The following TPX2 variants were observed in gnomAD, a reference collection of about 807,000 sequenced individuals.
TPX2 encodes the protein targeting protein for Xklp2.
Under a neutral mutation model 93.6 loss-of-function variants are expected in TPX2, and 21 were observed. The observed-to-expected ratio is 0.22, with a 90% CI of 0.16 to 0.32. TPX2 has a LOEUF of 0.32. Ranked by LOEUF, TPX2 falls within the 10% of genes least tolerant of loss-of-function variation. The probability of loss-of-function intolerance (pLI) is 1.00; values close to 1 mark genes in which losing one functional copy is unlikely to be tolerated. For synonymous variants in TPX2, 281 were observed against 298.3 expected, an observed-to-expected ratio of 0.94 and a Z score of 0.60; for missense variants, 776 against 871.1, an observed-to-expected ratio of 0.89 and a Z score of 1.37.
intron 2 of TPX2, among the ~76,000 whole-genome samples, chr20:31,745,716 G>C (rs976072922): frequency 6.6e-6 from 1 of 152,176 alleles, no homozygotes; most frequent in Non-Finnish European, 1.5e-5. Context: ...AAAATGAAAT[G>C]ACTGCTATTT....
intron 3 of TPX2, among the ~76,000 whole-genome samples, chr20:31,758,813 C>A (rs1211808674): frequency 6.6e-6 from 1 of 152,096 alleles, no homozygotes. Flanking sequence ...CTGCGGGGAT[C>A]TTCCCCATGC....
Position 31,774,704 on chromosome 20 carries a change from C to T in TPX2, c.609-1163C>T, listed in dbSNP as rs147025684. Among the ~76,000 whole-genome samples, 299 of 152,304 alleles carry T rather than the reference C, an allele frequency of 2.0e-3. 1 individual carries two copies. The highest frequency in any genetic ancestry group is 7.0e-3 in the African/African-American group (290 of 41,570). ...GTCGGCTTTACTTCTGAGTTTCTTC[C>T]TTCTGTTACATGTGTTTTATGTGTA... On this transcript the variant is annotated intron_variant, in intron 7 of 17. Transcript: ENST00000300403.
At chr20:31,794,334 A>T in intron 14 of TPX2, 68 bp from the exon 15 acceptor site, 1 of 1,555,666 alleles carries the variant, frequency 6.4e-7, no homozygotes, top group Non-Finnish European at 8.7e-7. Context: ...ATTCTTCCAG[A>T]TATTCTGGAG....
At chr20:31,755,010 G>A (rs144242793) in intron 2 of TPX2, among the ~76,000 whole-genome samples, 52 of 152,238 alleles carry the variant, frequency 3.4e-4, no homozygotes, top group African/African-American at 1.2e-3. Context: ...GTAGAGTGGC[G>A]TGATCTTGGC....
chr20:31,780,512 T>G (rs2062026752), intron 10 of TPX2, among the ~76,000 whole-genome samples: 1 of 152,224 alleles, frequency 6.6e-6, no homozygotes, highest in Non-Finnish European at 1.5e-5. Context: ...GTCTGATATG[T>G]CCTGCTTTCA....
rs35700111 is a variant in TPX2 at position 31,766,454 on chromosome 20, GGTGTGTGTGTGTGT to G, written c.230-73_230-60del. ...ACTAAGGTTTCTGTGGCTTAGACAG[GGTGTGTGTGTGTGT>G]GTGTGTGTGTGTGTGTGTGTGTGTG... On this transcript the variant is annotated intron_variant, in intron 4 of 17. Coordinates refer to ENST00000300403, the MANE Select transcript of TPX2 (RefSeq NM_012112.5). The G allele has an allele frequency of 1.3e-4, 91 of 720,560 alleles. 1 individual carries two copies. The highest frequency in any genetic ancestry group is 3.6e-4 in the African/African-American group (17 of 46,912). The allele number at this position is 720,560 out of a possible 1,614,324, so 44.6% of individuals were successfully genotyped here.
Position 31,767,049 on chromosome 20 carries a change from G to A in TPX2, c.356+367G>A, listed in dbSNP as rs545454343. Among the ~76,000 whole-genome samples, 4 of 152,046 alleles carry A rather than the reference G, an allele frequency of 2.6e-5. No homozygotes were observed. In the South Asian group the frequency reaches 6.2e-4, roughly 24 times the overall value. The stretch of plus-strand genomic sequence containing the variant: ...ACTCCTGACCTCAGGTGACCCACCC[G>A]CCTCAGCCTCCCAAACTGCTAGGAT... On this transcript the variant is annotated intron_variant, in intron 5 of 17. Coordinates refer to ENST00000300403, the MANE Select transcript of TPX2 (RefSeq NM_012112.5).
intron 5 of TPX2, among the ~76,000 whole-genome samples, chr20:31,768,796 A>G (rs2061945256): frequency 6.6e-6 from 1 of 152,222 alleles, no homozygotes; most frequent in Non-Finnish European, 1.5e-5. Flanking sequence ...TTAAACTAGC[A>G]CTTACGAAAA....
At chr20:31,797,539 G>C (rs769234861) in intron 16 of TPX2, 24 bp downstream of exon 16, 1 of 1,601,526 alleles carries the variant, frequency 6.2e-7, no homozygotes, top group Non-Finnish European at 8.5e-7. Context: ...TACTCTGATG[G>C]GACTCGGGCA....
At chr20:31,799,041 A>G (rs966244826) in intron 17 of TPX2, among the ~76,000 whole-genome samples, 2 of 152,250 alleles carry the variant, frequency 1.3e-5, no homozygotes, top group African/African-American at 2.4e-5. Flanking sequence ...ACAAGAATAC[A>G]TAGCGAAGGA....
At chr20:31,753,305 C>T (rs1382813580) in intron 2 of TPX2, among the ~76,000 whole-genome samples, 1 of 152,156 alleles carries the variant, frequency 6.6e-6, no homozygotes, top group Non-Finnish European at 1.5e-5. Context: ...TTTTACGTAA[C>T]TGTGTGATAC....
At chr20:31,794,930 C>T (rs2062127789) in intron 15 of TPX2, among the ~76,000 whole-genome samples, 1 of 151,786 alleles carries the variant, frequency 6.6e-6, no homozygotes, top group Non-Finnish European at 1.5e-5. Flanking sequence ...ACGCCAGTCT[C>T]CTGCCTCAGC....
intron 10 of TPX2, among the ~76,000 whole-genome samples, chr20:31,779,707 AC>A (rs2062021788): frequency 6.6e-6 from 1 of 152,178 alleles, no homozygotes; most frequent in South Asian, 2.1e-4. Flanking sequence ...AGCTGAAGGT[AC>A]GAGAGAGAGG....
chr20:31,783,154 G>C (rs1426440750), intron 11 of TPX2, among the ~76,000 whole-genome samples: 1 of 152,078 alleles, frequency 6.6e-6, no homozygotes, highest in African/African-American at 2.4e-5. Context: ...TTGAGGAGGG[G>C]GAGCTTCTTC....
Position 31,770,487 on chromosome 20 carries a change from T to G in TPX2, c.485+16T>G, listed in dbSNP as rs1160963529. 1 of 1,565,072 alleles carries G rather than the reference T, an allele frequency of 6.4e-7. No individual in the cohort carries two copies. Among genetic ancestry groups the G allele is most frequent in the East Asian group, 2.3e-5 (1 of 43,034 alleles). The stretch of plus-strand genomic sequence containing the variant: ...AAATGAAAGTGTGAGTAGCCACAAC[T>G]TCTTACTGCCAAGGGCAGACATATT... On this transcript the variant is annotated intron_variant, in intron 6 of 17. Transcript: ENST00000300403.
At chr20:31,740,124 G>T (rs541365092) in intron 1 of TPX2, among the ~76,000 whole-genome samples, 1 of 152,124 alleles carries the variant, frequency 6.6e-6, no homozygotes, top group East Asian at 1.9e-4. Flanking sequence ...ACCAAACCAG[G>T]TTATAATGTA....
At chr20:31,742,458 G>C (rs1475593552) in intron 1 of TPX2, 83 bp from the exon 2 acceptor site, 1 of 152,218 alleles carries the variant, frequency 6.6e-6, no homozygotes, top group Non-Finnish European at 1.5e-5. Context: ...GATTATAGGC[G>C]TGAGCCACTG....
At chr20:31,796,719 T>C (rs1039809101) in intron 15 of TPX2, among the ~76,000 whole-genome samples, 3 of 151,970 alleles carry the variant, frequency 2.0e-5, no homozygotes, top group Non-Finnish European at 4.4e-5. Flanking sequence ...TTTTTTTTTT[T>C]GGAGGTGGGA....
rs1443587485 is a variant in TPX2, at chr20:31,798,368, G to A, written c.1949G>A (p.Gly650Asp). ...TTTTTTCTGTTTCTGTACTTAGAGG[G>A]CCTTTCTGGTTCTCTAGTTCAGGAA... ...PKKEKKSVAE[G>D]LSGSLVQEPF... is the part of the protein sequence containing the mutation. The change falls in exon 17 of 18, where the codon GGC (glycine) becomes GAC (aspartate). Residue 650 changes from glycine (G) to aspartate (D), a missense_variant. Gly to Asp is a moderately conservative substitution (Grantham distance 94, BLOSUM62 -1). Coordinates refer to ENST00000300403, the MANE Select transcript of TPX2 (RefSeq NM_012112.5). The A allele has an allele frequency of 1.2e-6, 2 of 1,613,928 alleles. No homozygotes were observed. Among genetic ancestry groups the A allele is most frequent in the Admixed American group, 1.7e-5 (1 of 60,010 alleles).
Sources: allele counts gnomAD v4.1 joint callset (sites outside exome capture counted in the v4.1 genomes callset), GRCh38; gene constraint gnomAD v4.1.1; transcripts MANE v1.5; gene names NCBI Gene and HGNC (gene_info 2026-07-23, HGNC 2026-07-21).